Variants in HS3ST4 observed in about 807,000 individuals in gnomAD.
The protein encoded by HS3ST4 is heparan sulfate-glucosamine 3-sulfotransferase 4.
In HS3ST4, 17 loss-of-function variants were observed where a neutral mutation model predicts 29.2. The ratio of observed to expected loss-of-function variants is 0.58; its 90% CI spans 0.40 to 0.87. The LOEUF (loss-of-function observed/expected upper bound fraction) is 0.87. Ranked by LOEUF, HS3ST4 falls within the 40% of genes least tolerant of loss-of-function variation. The pLI, the probability that HS3ST4 is intolerant of heterozygous loss-of-function variation, is 0.00. For synonymous variants in HS3ST4, 314 were observed against 285.7 expected (o/e 1.10, Z -1.00); for missense variants, 627 against 634.5 (o/e 0.99, Z 0.13).
intron 1 of HS3ST4, among the ~76,000 whole-genome samples, chr16:26,121,761 T>A (rs770703716): frequency 4.6e-5 from 7 of 152,144 alleles, no homozygotes; most frequent in Non-Finnish European, 1.0e-4. Flanking sequence ...ATCATTTAAT[T>A]GTTGCACCTG....
intron 1 of HS3ST4, among the ~76,000 whole-genome samples, chr16:26,009,858 T>G (rs1969294673): frequency 6.6e-6 from 1 of 152,172 alleles, no homozygotes; most frequent in African/African-American, 2.4e-5. Flanking sequence ...GACTTAAAGC[T>G]CATTCCACTG....
intron 1 of HS3ST4, among the ~76,000 whole-genome samples, chr16:25,821,117 G>C (rs1035113565): frequency 2.0e-5 from 3 of 149,526 alleles, no homozygotes; most frequent in Non-Finnish European, 4.4e-5. Context: ...GAGTGCAGTG[G>C]TGCGATCTCG....
intron 1 of HS3ST4, among the ~76,000 whole-genome samples, chr16:25,814,813 A>C (rs1387815400): frequency 1.3e-5 from 2 of 152,206 alleles, no homozygotes; most frequent in African/African-American, 4.8e-5. Context: ...AAATGAATGC[A>C]TTTGCAATGA....
Position 25,873,319 on chromosome 16 carries a change from CATCCTTCCTTCCTTCCTTTCATCCATCT to C in HS3ST4, c.734+180173_734+180200del, listed in dbSNP as rs1253184452. On this transcript the variant is annotated intron_variant, in intron 1 of 1. Coordinates refer to ENST00000331351, the MANE Select transcript of HS3ST4 (RefSeq NM_006040.3). ...CCATCCATCCATCCATCCATCCATCCATCCTTCCTTCCTTCCTTTCATCCATCTATCCATCCATCCACCTAGCAAGCCA... is the reference window on the plus strand; with the variant it reads ...CCATCCATCCATCCATCCATCCATCCATCCATCCATCCACCTAGCAAGCCA... Among the ~76,000 whole-genome samples the C allele has an allele frequency of 1.3e-3, 97 of 71,896 alleles. 1 individual carries two copies. Among genetic ancestry groups the C allele is most frequent in the South Asian group, 5.6e-3 (19 of 3,390 alleles). The allele number at this position is 71,896 out of a possible 152,430, so 47.2% of individuals were successfully genotyped here. A position where few individuals can be genotyped will look rare whatever the true frequency, so the allele number is the denominator to read the frequency against.
chr16:25,728,538 G>A (rs547465616), intron 1 of HS3ST4, among the ~76,000 whole-genome samples: 37 of 152,266 alleles, frequency 2.4e-4, no homozygotes, highest in Non-Finnish European at 4.4e-4. Flanking sequence ...ACTGATAACC[G>A]TTTATGATGA....
At chr16:25,700,205 T>C (rs989309820) in intron 1 of HS3ST4, among the ~76,000 whole-genome samples, 16 of 152,304 alleles carry the variant, frequency 1.1e-4, no homozygotes, top group African/African-American at 3.6e-4. Context: ...AAAAAAAGTA[T>C]GATTTCATGA....
intron 1 of HS3ST4, among the ~76,000 whole-genome samples, chr16:25,756,608 A>G (rs1596562087): frequency 1.3e-5 from 2 of 152,278 alleles, no homozygotes; most frequent in East Asian, 3.9e-4. Context: ...AATATTGACC[A>G]CAAACCTTCC....
intron 1 of HS3ST4, among the ~76,000 whole-genome samples, chr16:26,064,554 G>A (rs1898519962): frequency 6.6e-6 from 1 of 151,614 alleles, no homozygotes; most frequent in African/African-American, 2.4e-5. Context: ...ATAGATTTAT[G>A]GTGTAGGCCA....
intron 1 of HS3ST4, among the ~76,000 whole-genome samples, chr16:25,995,407 G>A (rs935282128): frequency 7.2e-5 from 11 of 152,146 alleles, no homozygotes; most frequent in East Asian, 1.9e-4. Flanking sequence ...TCTATTCTGC[G>A]TAATTCTCAG....
chr16:26,026,812 T>G (rs1426155958), intron 1 of HS3ST4, among the ~76,000 whole-genome samples: 2 of 152,192 alleles, frequency 1.3e-5, no homozygotes, highest in African/African-American at 4.8e-5. Context: ...GAAATGGCAC[T>G]GGTGCTCAAG....
chr16:25,948,961 A>C (rs376336923), intron 1 of HS3ST4, among the ~76,000 whole-genome samples: 1 of 152,340 alleles, frequency 6.6e-6, no homozygotes, highest in African/African-American at 2.4e-5. Context: ...ACTAACAATC[A>C]GCCCAGAGAC....
At chr16:25,978,500 G>T (rs978772778) in intron 1 of HS3ST4, among the ~76,000 whole-genome samples, 4 of 152,194 alleles carry the variant, frequency 2.6e-5, no homozygotes, top group African/African-American at 9.6e-5. Flanking sequence ...AGGGGCCATA[G>T]CTCACCAACC....
In HS3ST4 at chr16:25,693,150, A is replaced by G. The variant is rs372874877; in HGVS notation, c.733A>G (p.Arg245Gly). Residue 245 changes from arginine to glycine, a missense_variant and splice_region_variant, in exon 1 of 2, where the codon AGA (arginine) becomes GGA (glycine). Arg to Gly is a moderately radical substitution (Grantham distance 125). This residue lies in a region of HS3ST4 where 225 missense variants were observed against 293.7 expected (regional missense o/e 0.77). Transcript: ENST00000331351. Reference protein sequence around the residue: ...RNYEKGLEWYRNVMPKTLDGQ... With the variant: ...RNYEKGLEWYGNVMPKTLDGQ... Reference sequence around the variant, plus strand: ...CTACGAAAAGGGGTTGGAGTGGTACAGGTAGGACCCTGGGCTCCGCGGGCT... The same window carrying G: ...CTACGAAAAGGGGTTGGAGTGGTACGGGTAGGACCCTGGGCTCCGCGGGCT... 1 of 1,586,282 alleles carries G rather than the reference A, an allele frequency of 6.3e-7. No homozygotes were observed. Among genetic ancestry groups the G allele is most frequent in the Non-Finnish European group, 8.6e-7 (1 of 1,167,584 alleles).
intron 1 of HS3ST4, among the ~76,000 whole-genome samples, chr16:25,939,327 T>C (rs1246831083): frequency 1.4e-4 from 5 of 36,844 alleles, no homozygotes; most frequent in Admixed American, 7.1e-4. Flanking sequence ...TTATTATTAT[T>C]ATCATTATTA....
chr16:25,935,340 G>T (rs1968507744), intron 1 of HS3ST4, among the ~76,000 whole-genome samples: 1 of 152,140 alleles, frequency 6.6e-6, no homozygotes, highest in East Asian at 1.9e-4. Context: ...AGAGTCCATA[G>T]TTTGCATTAG....
intron 1 of HS3ST4, among the ~76,000 whole-genome samples, chr16:25,762,816 G>T (rs1040140103): frequency 2.2e-5 from 3 of 138,532 alleles, no homozygotes; most frequent in African/African-American, 8.0e-5. Context: ...GGTTGAGGCC[G>T]CAGTGAGCTG....
At chr16:25,765,598 A>G (rs12325368) in intron 1 of HS3ST4, among the ~76,000 whole-genome samples, 58,376 of 151,950 alleles carry the variant, frequency 0.38, 13,168 homozygotes, top group Non-Finnish European at 0.52. Context: ...GGGCTGTGAC[A>G]ATCTCGGAGC....
At chr16:26,120,480 G>A (rs1468703387) in intron 1 of HS3ST4, among the ~76,000 whole-genome samples, 1 of 152,224 alleles carries the variant, frequency 6.6e-6, no homozygotes, top group Non-Finnish European at 1.5e-5. Flanking sequence ...TTCTGTCGTA[G>A]CCAAATGTAG....
chr16:25,758,017 C>T (rs1419853972), intron 1 of HS3ST4, among the ~76,000 whole-genome samples: 2 of 152,080 alleles, frequency 1.3e-5, no homozygotes, highest in Non-Finnish European at 2.9e-5. Flanking sequence ...CTGCCTCTCT[C>T]CAGAGCCCCC....
Sources: gnomAD v4.1 joint callset for allele counts (sites outside exome capture counted in the v4.1 genomes callset) on GRCh38, gnomAD v4.1.1 for gene constraint, gnomAD v4.1.1 regional missense constraint, MANE v1.5 for transcripts, NCBI Gene and HGNC (gene_info 2026-07-23, HGNC 2026-07-21) for gene names.